SEMA6D: variants seen among roughly 807,000 people sequenced by gnomAD.
SEMA6D encodes the protein semaphorin-6D.
In SEMA6D, 35 loss-of-function variants were observed where a neutral mutation model predicts 106.6. The observed-to-expected ratio is 0.33, with a 90% CI of 0.25 to 0.44. The LOEUF (loss-of-function observed/expected upper bound fraction) is 0.44. Ranked by LOEUF, SEMA6D falls within the 20% of genes least tolerant of loss-of-function variation. The probability of loss-of-function intolerance (pLI) is 1.00; values close to 1 mark genes in which losing one functional copy is unlikely to be tolerated. For missense variants in SEMA6D, 1,185 were observed against 1,345.9 expected (o/e 0.88, Z 1.87); for synonymous variants, 499 against 487.7 (o/e 1.02, Z -0.31).
chr15:47,384,266 A>C (rs1413885693), intron 1 of SEMA6D, among the ~76,000 whole-genome samples: 1 of 152,212 alleles, frequency 6.6e-6, no homozygotes, highest in Non-Finnish European at 1.5e-5. Context: ...TTTGGAAAAA[A>C]AGGGCAAATT....
intron 3 of SEMA6D, among the ~76,000 whole-genome samples, chr15:47,545,158 C>T (rs1262182104): frequency 6.6e-6 from 1 of 152,060 alleles, no homozygotes; most frequent in Non-Finnish European, 1.5e-5. Flanking sequence ...TTTTTATTTT[C>T]AAGATAAATA....
At chr15:47,638,155 A>G (rs1226278158) in intron 4 of SEMA6D, among the ~76,000 whole-genome samples, 1 of 152,166 alleles carries the variant, frequency 6.6e-6, no homozygotes, top group Non-Finnish European at 1.5e-5. Flanking sequence ...ATTCTACAAT[A>G]GCAATTTCAT....
At chr15:47,690,840 AAT>A (rs2078571345) in intron 4 of SEMA6D, among the ~76,000 whole-genome samples, 1 of 152,172 alleles carries the variant, frequency 6.6e-6, no homozygotes, top group Non-Finnish European at 1.5e-5. Context: ...AAGGTATAAA[AAT>A]ATATATAGAG....
intron 1 of SEMA6D, among the ~76,000 whole-genome samples, chr15:47,279,510 C>T (rs1002491305): frequency 6.7e-6 from 1 of 148,684 alleles, no homozygotes; most frequent in Non-Finnish European, 1.5e-5. Context: ...TAATTGAATA[C>T]CCTTTATTTC....
chr15:47,743,521 C>T (rs1197878402), intron 1 of SEMA6D, among the ~76,000 whole-genome samples: 2 of 152,090 alleles, frequency 1.3e-5, no homozygotes, highest in Non-Finnish European at 2.9e-5. Context: ...AAGAAACCTA[C>T]AGTGCGGGGG....
intron 4 of SEMA6D, among the ~76,000 whole-genome samples, chr15:47,653,611 C>CATA: frequency 6.6e-6 from 1 of 152,224 alleles, no homozygotes; most frequent in East Asian, 1.9e-4. Context: ...TTTGCCTAAA[C>CATA]AATTGCCCAA....
chr15:47,623,305 C>A (rs2077142569), intron 4 of SEMA6D, among the ~76,000 whole-genome samples: 1 of 152,174 alleles, frequency 6.6e-6, no homozygotes, highest in South Asian at 2.1e-4. Context: ...GATCACCACA[C>A]AACAGTGAAC....
chr15:47,742,222 C>T (rs1400208758), intron 1 of SEMA6D, among the ~76,000 whole-genome samples: 1 of 152,232 alleles, frequency 6.6e-6, no homozygotes, highest in East Asian at 1.9e-4. Context: ...AATAATACTA[C>T]TTCTTCACAC....
chr15:47,471,618 A>G (rs2042841041), intron 3 of SEMA6D, among the ~76,000 whole-genome samples: 1 of 152,138 alleles, frequency 6.6e-6, no homozygotes, highest in Admixed American at 6.5e-5. Context: ...ATTCTCTGAG[A>G]AAGGCTGAAT....
At chr15:47,577,026 G>GTGTTTC (rs1274293811) in intron 3 of SEMA6D, among the ~76,000 whole-genome samples, 1 of 152,158 alleles carries the variant, frequency 6.6e-6, no homozygotes, top group Non-Finnish European at 1.5e-5. Context: ...AGCATTAGTT[G>GTGTTTC]TGTTTCTGTT....
At chr15:47,338,849 G>A (rs1332462612) in intron 1 of SEMA6D, among the ~76,000 whole-genome samples, 1 of 152,086 alleles carries the variant, frequency 6.6e-6, no homozygotes, top group Non-Finnish European at 1.5e-5. Context: ...CCTTTCATCT[G>A]TCCAAGGCAG....
intron 1 of SEMA6D, among the ~76,000 whole-genome samples, chr15:47,350,972 C>T (rs945239876): frequency 1.3e-5 from 2 of 152,064 alleles, no homozygotes; most frequent in African/African-American, 4.8e-5. Flanking sequence ...ATATTGGCTA[C>T]AGTCAGGGTC....
chr15:47,600,690 C>G (rs941469594), intron 3 of SEMA6D, among the ~76,000 whole-genome samples: 6 of 152,214 alleles, frequency 3.9e-5, no homozygotes, highest in South Asian at 2.1e-4. Context: ...AGGTTAGAAT[C>G]CAACTTAGCT....
At chr15:47,553,697 C>T (rs1472496385) in intron 3 of SEMA6D, among the ~76,000 whole-genome samples, 13 of 151,790 alleles carry the variant, frequency 8.6e-5, no homozygotes, top group Admixed American at 8.5e-4. Context: ...TTTTCTCCTG[C>T]ACTTGTCCTG....
intron 3 of SEMA6D, among the ~76,000 whole-genome samples, chr15:47,524,173 C>T (rs534340095): frequency 8.5e-5 from 13 of 152,258 alleles, no homozygotes; most frequent in African/African-American, 2.6e-4. Flanking sequence ...TATGTCTCCT[C>T]GCCGACAAGA....
intron 1 of SEMA6D, among the ~76,000 whole-genome samples, chr15:47,206,690 A>G (rs965523205): frequency 6.6e-6 from 1 of 152,016 alleles, no homozygotes. Flanking sequence ...TCATGTGTGC[A>G]TGTTCTGATT....
rs948842576 is a variant in SEMA6D, at chr15:47,367,690, GCGCACACACA to G, written c.-238-44701_-238-44692del. Among the ~76,000 whole-genome samples the G allele has an allele frequency of 7.8e-3, 341 of 43,596 alleles. 2 individuals carry two copies. The highest frequency in any genetic ancestry group is 0.012 in the South Asian group (11 of 942). The allele number at this position is 43,596 out of a possible 152,430, so 28.6% of individuals were successfully genotyped here. ...CACGCACGCTCACACGCGCGCGCGC[GCGCACACACA>G]CACACACACACACACACACACACAC... On this transcript the variant is annotated intron_variant, in intron 1 of 19. Transcript: ENST00000558014.
At chr15:47,287,648 C>T (rs1396805985) in intron 1 of SEMA6D, among the ~76,000 whole-genome samples, 1 of 152,124 alleles carries the variant, frequency 6.6e-6, no homozygotes, top group Non-Finnish European at 1.5e-5. Flanking sequence ...AGTAACTTCC[C>T]TTCCTTCGTT....
intron 1 of SEMA6D, among the ~76,000 whole-genome samples, chr15:47,194,766 G>A (rs1271537338): frequency 6.6e-6 from 1 of 152,130 alleles, no homozygotes; most frequent in Non-Finnish European, 1.5e-5. Flanking sequence ...ATATGTGAGT[G>A]TATCTATCTT....
Sources: gnomAD v4.1 joint callset for allele counts (sites outside exome capture counted in the v4.1 genomes callset) on GRCh38, gnomAD v4.1.1 for gene constraint, MANE v1.5 for transcripts, NCBI Gene and HGNC (gene_info 2026-07-23, HGNC 2026-07-21) for gene names.